Variants in EDARADD observed in about 807,000 individuals in gnomAD.
The protein encoded by EDARADD is ectodysplasin-A receptor-associated adapter protein.
EDARADD carries 20 observed loss-of-function variants against 25.6 expected under a neutral mutation model. That is an observed-to-expected ratio of 0.78 (90% CI 0.55 to 1.14). The LOEUF is 1.14. Ranked by LOEUF, EDARADD falls within the 50% of genes most tolerant of loss-of-function variation. The pLI is 0.00. For missense variants in EDARADD, 225 were observed against 270.1 expected (o/e 0.83, Z 1.17); for synonymous variants, 86 against 94.4 (o/e 0.91, Z 0.52).
Position 236,448,200 on chromosome 1 carries a change from G to A in EDARADD, c.220-20031G>A, listed in dbSNP as rs538423521. Among the ~76,000 whole-genome samples, 23 of 152,352 alleles carry A rather than the reference G, an allele frequency of 1.5e-4. 2 individuals carry two copies. Among genetic ancestry groups the A allele is most frequent in the African/African-American group, 5.3e-4 (22 of 41,582 alleles). On this transcript the variant is annotated intron_variant, in intron 4 of 5. Coordinates refer to ENST00000334232, the MANE Select transcript of EDARADD (RefSeq NM_145861.4). ...TGCCCCAGAGATTCTGGCTTAAGTG[G>A]CCTGGGGTAGACTCCAAGCATTGAT...
rs749931548 is a variant in EDARADD, at chr1:236,361,666, G to T, written c.-6+10827G>T. 1.0e-3 allele frequency among the ~76,000 whole-genome samples: 95 copies of T among 91,014 alleles called. 1 individual carries two copies. The highest frequency in any genetic ancestry group is 2.8e-4 in the Non-Finnish European group (13 of 45,966). The allele number at this position is 91,014 out of a possible 152,430, so 59.7% of individuals were successfully genotyped here. ...ATATATATATTCCTTCATACCATAG[G>T]TATTCTACTTTTGTCTAGCTTCTTG... On this transcript the variant is annotated intron_variant, in intron 3 of 7. Transcript: ENST00000439430.
chr1:236,469,797 AT>A (rs1226910928), intron 5 of EDARADD, among the ~76,000 whole-genome samples: 1 of 150,136 alleles, frequency 6.7e-6, no homozygotes, highest in African/African-American at 2.4e-5. Flanking sequence ...CATTCCATAG[AT>A]TTTTTTTTTC....
At chr1:236,401,913 C>T (rs1463970863) in intron 1 of EDARADD, among the ~76,000 whole-genome samples, 1 of 152,178 alleles carries the variant, frequency 6.6e-6, no homozygotes, top group African/African-American at 2.4e-5. Flanking sequence ...ATGGGACACA[C>T]AGACACTCAC....
intron 3 of EDARADD, among the ~76,000 whole-genome samples, chr1:236,377,731 G>A (rs529215557): frequency 5.9e-5 from 9 of 151,842 alleles, no homozygotes; most frequent in Non-Finnish European, 1.2e-4. Context: ...GGTGGCGCAT[G>A]TCTGTAGTCC....
chr1:236,475,155 CA>C (rs56374605), intron 5 of EDARADD, among the ~76,000 whole-genome samples: 3 of 150,546 alleles, frequency 2.0e-5, no homozygotes, highest in Non-Finnish European at 4.4e-5. Context: ...CAAAACAAGA[CA>C]AAAAAAAACC....
intron 1 of EDARADD, among the ~76,000 whole-genome samples, chr1:236,399,406 G>A (rs1301611319): frequency 6.6e-6 from 1 of 152,194 alleles, no homozygotes; most frequent in East Asian, 1.9e-4. Context: ...AGGCTGGCCT[G>A]GAACCACTGA....
chr1:236,472,461 G>A (rs1178297430), intron 5 of EDARADD, among the ~76,000 whole-genome samples: 1 of 152,168 alleles, frequency 6.6e-6, no homozygotes, highest in East Asian at 1.9e-4. Context: ...TTTCCCTGGG[G>A]GTTTGGTGGG....
rs1659761325 is a variant in EDARADD, at chr1:236,484,065, TGGGGA to T, written c.*1418_*1422del. 1 of 1,576,634 alleles carries T rather than the reference TGGGGA, an allele frequency of 6.3e-7. No individual in the cohort carries two copies. Among genetic ancestry groups the T allele is most frequent in the African/African-American group, 1.3e-5 (1 of 74,298 alleles). On this transcript the variant is annotated 3_prime_UTR_variant, in exon 6 of 6. Coordinates refer to ENST00000334232, the MANE Select transcript of EDARADD (RefSeq NM_145861.4). This position sits in a 1 kb window ranked among gnomAD's most constrained non-coding sequence, Gnocchi z 4.1. ...TGAAGATCCCTTTGACCAGGATGACTGGGGAGCTTGGCAGAAGTTCACGGCCAGTG... is the reference window on the plus strand; with the variant it reads ...TGAAGATCCCTTTGACCAGGATGACTGCTTGGCAGAAGTTCACGGCCAGTG...
chr1:236,471,818 C>G (rs1210301036), intron 5 of EDARADD, among the ~76,000 whole-genome samples: 1 of 152,184 alleles, frequency 6.6e-6, no homozygotes, highest in Non-Finnish European at 1.5e-5. Context: ...AGGGCACCTT[C>G]CCTGCAGGGA....
chr1:236,367,855 T>G (rs1486271944), intron 3 of EDARADD, among the ~76,000 whole-genome samples: 1 of 152,190 alleles, frequency 6.6e-6, no homozygotes, highest in Admixed American at 6.5e-5. Context: ...ATGCCTGTAA[T>G]TCTAGCACTT....
chr1:236,435,086 C>CCGTATCA, intron 4 of EDARADD, among the ~76,000 whole-genome samples: 1 of 151,896 alleles, frequency 6.6e-6, no homozygotes, highest in Non-Finnish European at 1.5e-5. Flanking sequence ...AGGTACTGTG[C>CCGTATCA]TTAGGATTCA....
chr1:236,457,049 C>A (rs1277275957), intron 4 of EDARADD, among the ~76,000 whole-genome samples: 3 of 152,070 alleles, frequency 2.0e-5, no homozygotes, highest in African/African-American at 7.2e-5. Flanking sequence ...CCAACCTCCG[C>A]CCTCATTTCA....
At chr1:236,418,434 G>A (rs545379255) in intron 3 of EDARADD, among the ~76,000 whole-genome samples, 116 of 151,680 alleles carry the variant, frequency 7.6e-4, no homozygotes, top group African/African-American at 2.8e-3. Flanking sequence ...TAGTAGAAAT[G>A]GGGTTTCACC....
intron 4 of EDARADD, among the ~76,000 whole-genome samples, chr1:236,448,041 G>T (rs995775753): frequency 3.9e-4 from 59 of 152,214 alleles, no homozygotes; most frequent in African/African-American, 1.3e-3. Context: ...CTCCATATTG[G>T]TCAGGCTGGT....
chr1:236,405,702 G>C (rs771680586), intron 1 of EDARADD, among the ~76,000 whole-genome samples: 5 of 151,246 alleles, frequency 3.3e-5, no homozygotes, highest in Non-Finnish European at 7.4e-5. Context: ...GCGATCTACT[G>C]CATTTTCCTC....
Position 236,409,319 on chromosome 1 carries a change from T to C in EDARADD, c.120+45T>C, listed in dbSNP as rs1657351284. On this transcript the variant is annotated intron_variant, in intron 2 of 5. Coordinates refer to ENST00000334232, the MANE Select transcript of EDARADD (RefSeq NM_145861.4). The stretch of plus-strand genomic sequence containing the variant: ...CTAATGGTGATAATTATTGTTTTGC[T>C]TTTTTTCTTTGTTATTTCTTTACGT... 69 of 1,489,134 alleles carry C rather than the reference T, an allele frequency of 4.6e-5. 1 individual carries two copies. The highest frequency in any genetic ancestry group is 5.4e-5 in the Non-Finnish European group (58 of 1,068,622). The allele number at this position is 1,489,134 out of a possible 1,614,324, so 92.2% of individuals were successfully genotyped here. A position where few individuals can be genotyped will look rare whatever the true frequency, so the allele number is the denominator to read the frequency against.
chr1:236,467,737 T>C (rs982808106), intron 4 of EDARADD, among the ~76,000 whole-genome samples: 1 of 151,394 alleles, frequency 6.6e-6, no homozygotes, highest in Admixed American at 6.6e-5. Flanking sequence ...AAAATAAAAA[T>C]AGCACATTGT....
Position 236,483,901 on chromosome 1 carries a change from T to C in EDARADD, c.*1252T>C. The C allele has an allele frequency of 2.2e-6, 3 of 1,373,742 alleles. No homozygotes were observed. Among genetic ancestry groups the C allele is most frequent in the Non-Finnish European group, 3.1e-6 (3 of 963,418 alleles). The allele number at this position is 1,373,742 out of a possible 1,614,324, so 85.1% of individuals were successfully genotyped here. On this transcript the variant is annotated 3_prime_UTR_variant, in exon 6 of 6. Transcript: ENST00000334232. ...GATAAGGTGATCGTCAGCATGGACGTAGAGGCCTCCGAGTTCTTCAGGTCT... is the reference window on the plus strand; with the variant it reads ...GATAAGGTGATCGTCAGCATGGACGCAGAGGCCTCCGAGTTCTTCAGGTCT...
intron 5 of EDARADD, among the ~76,000 whole-genome samples, chr1:236,475,818 A>G (rs1308261962): frequency 2.0e-5 from 3 of 152,128 alleles, no homozygotes; most frequent in Non-Finnish European, 4.4e-5. Flanking sequence ...ATCTTTCGGC[A>G]TATTATTTTT....
Sources: gnomAD v4.1 joint callset for allele counts (sites outside exome capture counted in the v4.1 genomes callset) on GRCh38, gnomAD v4.1.1 for gene constraint, Gnocchi (gnomAD v3.1) non-coding constraint, MANE v1.5 for transcripts, NCBI Gene and HGNC (gene_info 2026-07-23, HGNC 2026-07-21) for gene names.